The following TRIM6 variants were observed in gnomAD, a reference collection of about 807,000 sequenced individuals.
The protein encoded by TRIM6 is tripartite motif-containing protein 6.
A neutral mutation model predicts 51.2 loss-of-function variants in TRIM6; 43 were observed. That is an observed-to-expected ratio of 0.84 (90% CI 0.66 to 1.08). The LOEUF (loss-of-function observed/expected upper bound fraction) is 1.08, where lower values mean the gene tolerates loss of function less well. Ranked by LOEUF, TRIM6 falls within the 50% of genes least tolerant of loss-of-function variation. The pLI is 0.00. For synonymous variants in TRIM6, 215 were observed against 232.4 expected, an observed-to-expected ratio of 0.93 and a Z score of 0.68; for missense variants, 669 against 619.0, an observed-to-expected ratio of 1.08 and a Z score of -0.86.
chr11:5,605,714 T>C (rs1848165557), intron 4 of TRIM6, 147 bp downstream of exon 4: 1 of 990,664 alleles, frequency 1.0e-6, no homozygotes, highest in Non-Finnish European at 1.4e-6. Context: ...TATTAAACTG[T>C]TTAGAGGTAT....
intron 5 of TRIM6, among the ~76,000 whole-genome samples, chr11:5,609,451 G>A (rs1009247550): frequency 1.3e-5 from 2 of 152,142 alleles, no homozygotes; most frequent in Non-Finnish European, 2.9e-5. Context: ...TGTTCTGCCT[G>A]TCAACCCAGA....
intron 2 of TRIM6, 85 bp downstream of exon 2, chr11:5,603,820 T>C: frequency 6.6e-7 from 1 of 1,512,360 alleles, no homozygotes; most frequent in Non-Finnish European, 8.8e-7. Context: ...TCTAATCTCT[T>C]TGTAGTCTTT....
At chr11:5,596,529 T>TCCCCCTCCCCCCTC (rs1847465137), upstream of TRIM6, 1 of 5,494 alleles carries the variant, frequency 1.8e-4, no homozygotes, top group Non-Finnish European at 4.0e-4. Flanking sequence ...CTTCCCCCCT[T>TCCCCCTCCCCCCTC]CCCCCTTCCC....
At chr11:5,607,946 A>C (rs11038328) in intron 4 of TRIM6, among the ~76,000 whole-genome samples, 5 of 152,148 alleles carry the variant, frequency 3.3e-5, no homozygotes, top group Non-Finnish European at 7.4e-5. Context: ...GTAGGGTAGA[A>C]GGTTAGAGAA....
At chr11:5,603,852 G>A in intron 2 of TRIM6, 117 bp downstream of exon 2, 5 of 1,451,944 alleles carry the variant, frequency 3.4e-6, no homozygotes, top group Non-Finnish European at 2.7e-6. Flanking sequence ...GAATGAACCT[G>A]GAAACTGCCT....
At position 5,596,730 on chromosome 11, in the gene TRIM6, T is replaced by C; in HGVS notation, c.-168T>C. Reference sequence around the variant, plus strand: ...GCTGGCGGAGGAGGGATCCCCTGCCTTTCTCGGAACGGAACGGAGCAGAGT... The same window carrying C: ...GCTGGCGGAGGAGGGATCCCCTGCCCTTCTCGGAACGGAACGGAGCAGAGT... On this transcript the variant is annotated 5_prime_UTR_variant, in exon 1 of 8. Coordinates refer to ENST00000380097, the MANE Select transcript of TRIM6 (RefSeq NM_001003818.3). 9.4e-7 allele frequency: 1 copy of C among 1,062,256 alleles called. No individual in the cohort carries two copies. The highest frequency in any genetic ancestry group is 2.7e-4 in the Middle Eastern group (1 of 3,748). The allele number at this position is 1,062,256 out of a possible 1,614,324, so 65.8% of individuals were successfully genotyped here.
chr11:5,603,486 G>T lies in TRIM6; in HGVS notation c.258G>T (p.Val86=). Residue 86 remains valine (V), a synonymous_variant, in exon 2 of 8, where the codon GTG becomes GTT. Coordinates refer to ENST00000380097, the MANE Select transcript of TRIM6 (RefSeq NM_001003818.3). ...AAGAAGGGGAAAGAAGCTGCCCTGT[G>T]TGCCAGACCAGCTACCAGCCAGGGA... ...IGQEGERSCP[V]CQTSYQPGNL... is the part of the protein sequence containing the mutation. The T allele has an allele frequency of 1.2e-6, 2 of 1,614,154 alleles. No individual in the cohort carries two copies. The highest frequency in any genetic ancestry group is 1.7e-6 in the Non-Finnish European group (2 of 1,180,038).
chr11:5,609,782 G>T (rs1374836635), intron 5 of TRIM6, among the ~76,000 whole-genome samples: 1 of 152,092 alleles, frequency 6.6e-6, no homozygotes, highest in African/African-American at 2.4e-5. Context: ...AATTAGCCAG[G>T]CGTGGTGGCA....
At chr11:5,602,433 A>AC (rs562355908) in intron 1 of TRIM6, among the ~76,000 whole-genome samples, 139 of 150,824 alleles carry the variant, frequency 9.2e-4, no homozygotes, top group African/African-American at 3.1e-3. Flanking sequence ...ACAGAGCAAG[A>AC]CCCCCTAATG....
intron 3 of TRIM6, chr11:5,605,059 T>G (rs1590100602): frequency 6.0e-6 from 3 of 498,272 alleles, no homozygotes; most frequent in South Asian, 2.1e-5. Context: ...GATGCAGAGG[T>G]GAGGGAGGCT....
At position 5,610,192 on chromosome 11, in the gene TRIM6, T is replaced by C. The variant is rs1848486579; in HGVS notation, c.905T>C (p.Leu302Pro). The change falls in exon 6 of 8, where the codon CTG (leucine) becomes CCG (proline). Residue 302 changes from leucine to proline, a missense_variant. Leu to Pro is a moderately conservative substitution (Grantham distance 98). Coordinates refer to ENST00000380097, the MANE Select transcript of TRIM6 (RefSeq NM_001003818.3). ...LRKPEALPTK[L>P]RSMFRAPDLK... ...AAGCCAGAAGCTCTCCCTACAAAGC[T>C]GAGAAGTATGTTCCGAGCCCCAGAT... 6.2e-7 allele frequency: 1 copy of C among 1,613,916 alleles called. No homozygotes were observed. The highest frequency in any genetic ancestry group is 8.5e-7 in the Non-Finnish European group (1 of 1,180,010).
Position 5,611,644 on chromosome 11 carries a change from G to C in TRIM6, c.*302G>C, listed in dbSNP as rs1372593069. ...AATTTTTGTATTTTTATAGAGATAGGGTTTCACCGTGTTGGCCAGGCTGAT... is the reference window on the plus strand; with the variant it reads ...AATTTTTGTATTTTTATAGAGATAGCGTTTCACCGTGTTGGCCAGGCTGAT... On this transcript the variant is annotated 3_prime_UTR_variant, in exon 8 of 8. Transcript: ENST00000380097. 4 of 281,038 alleles carry C rather than the reference G, an allele frequency of 1.4e-5. No homozygotes were observed. Among genetic ancestry groups the C allele is most frequent in the African/African-American group, 8.8e-5 (4 of 45,634 alleles). The allele number at this position is 281,038 out of a possible 1,614,324, so 17.4% of individuals were successfully genotyped here.
Position 5,611,109 on chromosome 11 carries a change from T to C in TRIM6, c.1318T>C (p.Tyr440His). 6.2e-7 allele frequency: 1 copy of C among 1,614,206 alleles called. No individual in the cohort carries two copies. Among genetic ancestry groups the C allele is most frequent in the Non-Finnish European group, 8.5e-7 (1 of 1,180,030 alleles). ...GATTGGGTTACAGCATAACCATGAA[T>C]ATAGGGCCTATGAGGATTCTTCCCC... The part of the protein sequence containing the change: ...WVIGLQHNHE[Y>H]RAYEDSSPSL... Residue 440 changes from tyrosine (Y) to histidine (H), a missense_variant, in exon 8 of 8, where the codon TAT becomes CAT. Tyr to His is a moderately conservative substitution (Grantham distance 83). Coordinates refer to ENST00000380097, the MANE Select transcript of TRIM6 (RefSeq NM_001003818.3).
In TRIM6 at chr11:5,601,865, G is replaced by C. The variant is rs117555628; in HGVS notation, c.18-1381G>C. Among the ~76,000 whole-genome samples the C allele has an allele frequency of 6.6e-4, 101 of 152,234 alleles. 1 individual carries two copies. In the East Asian group the frequency reaches 0.018, roughly 27 times the overall value. ...AGAGGGCTCTATGTGGAGCAGGGCC[G>C]TTAAGAAGTGGAAGTGTTTTCACAG... On this transcript the variant is annotated intron_variant, in intron 1 of 7. Coordinates refer to ENST00000380097, the MANE Select transcript of TRIM6 (RefSeq NM_001003818.3).
Position 5,610,907 on chromosome 11 carries a change from C to A in TRIM6, c.1116C>A (p.Val372=), listed in dbSNP as rs1449599696. ...SCLEKHYDCS[V]LGSQHFSSGK... ...TGGAAAAGCATTATGACTGTAGTGT[C>A]CTGGGCTCCCAGCACTTCTCCTCTG... is the stretch of plus-strand genomic sequence containing the variant. The change falls in exon 8 of 8, where the codon GTC becomes GTA. Residue 372 remains valine, a synonymous_variant. Coordinates refer to ENST00000380097, the MANE Select transcript of TRIM6 (RefSeq NM_001003818.3). 1.2e-6 allele frequency: 2 copies of A among 1,614,028 alleles called. No individual in the cohort carries two copies. The highest frequency in any genetic ancestry group is 1.3e-5 in the African/African-American group (1 of 74,906).
intron 3 of TRIM6, 88 bp downstream of exon 3, chr11:5,604,717 GTCC>G: frequency 1.5e-6 from 2 of 1,367,010 alleles, no homozygotes; most frequent in Non-Finnish European, 2.0e-6. Context: ...TGTCCTGTCT[GTCC>G]TCTGATGCCA....
Position 5,610,258 on chromosome 11 carries a change from A to C in TRIM6, c.958+13A>C. On this transcript the variant is annotated intron_variant, in intron 6 of 7. Transcript: ENST00000380097. ...CGAGTGTGTAGAGGTAAGGAGATTC[A>C]GGGGAAAGAGTTTGGATGTGAAATT... The C allele has an allele frequency of 6.2e-7, 1 of 1,614,028 alleles. No individual in the cohort carries two copies. Among genetic ancestry groups the C allele is most frequent in the Non-Finnish European group, 8.5e-7 (1 of 1,179,962 alleles).
In TRIM6 at chr11:5,604,641, T is replaced by A. The variant is rs1457211715; in HGVS notation, c.603+12T>A. ...AAACATCCTGGAAGGCAAGGGAGAC[T>A]TTTTCTGAAGATGTCCTGGGGCAGG... On this transcript the variant is annotated intron_variant, in intron 3 of 7. Coordinates refer to ENST00000380097, the MANE Select transcript of TRIM6 (RefSeq NM_001003818.3). 1.2e-6 allele frequency: 2 copies of A among 1,608,288 alleles called. No homozygotes were observed. Among genetic ancestry groups the A allele is most frequent in the South Asian group, 2.2e-5 (2 of 89,690 alleles).
In TRIM6 at chr11:5,596,843, C is replaced by T; in HGVS notation, c.-55C>T. 1 of 1,613,572 alleles carries T rather than the reference C, an allele frequency of 6.2e-7. No homozygotes were observed. Among genetic ancestry groups the T allele is most frequent in the East Asian group, 2.2e-5 (1 of 44,832 alleles). On this transcript the variant is annotated 5_prime_UTR_variant, in exon 1 of 8. Coordinates refer to ENST00000380097, the MANE Select transcript of TRIM6 (RefSeq NM_001003818.3). ...AGGTGCCTTGGATTGCTCTGAAGAGCTTTGACCACCTGATATTGCTTACAT... is the reference window on the plus strand; with the variant it reads ...AGGTGCCTTGGATTGCTCTGAAGAGTTTTGACCACCTGATATTGCTTACAT...
Sources: allele counts gnomAD v4.1 joint callset (sites outside exome capture counted in the v4.1 genomes callset), GRCh38; gene constraint gnomAD v4.1.1; transcripts MANE v1.5; gene names NCBI Gene and HGNC (gene_info 2026-07-23, HGNC 2026-07-21).